Variants in NRXN1 observed in about 807,000 individuals in gnomAD.
NRXN1 encodes neurexin-1.
Under a neutral mutation model 150.9 loss-of-function variants are expected in NRXN1, and 39 were observed. That is an observed-to-expected ratio of 0.26 (90% CI 0.20 to 0.34). The LOEUF (loss-of-function observed/expected upper bound fraction) is 0.34. NRXN1 is among the 10% of genes least tolerant of loss of function. The pLI, the probability that NRXN1 is intolerant of heterozygous loss-of-function variation, is 1.00. For missense variants in NRXN1, 1,815 were observed against 1,949.9 expected, an observed-to-expected ratio of 0.93 and a Z score of 1.30; for synonymous variants, 924 against 757.0, an observed-to-expected ratio of 1.22 and a Z score of -3.62.
At chr2:50,614,298 A>G (rs1678678136) in intron 8 of NRXN1, among the ~76,000 whole-genome samples, 2 of 152,136 alleles carry the variant, frequency 1.3e-5, no homozygotes, top group African/African-American at 4.8e-5. Context: ...CTCATCTGGC[A>G]TGATTTCCAG....
intron 5 of NRXN1, among the ~76,000 whole-genome samples, chr2:50,679,719 C>A (rs547309359): frequency 1.3e-5 from 2 of 152,250 alleles, no homozygotes; most frequent in South Asian, 2.1e-4. Context: ...AGAAAATGCA[C>A]TTTACAAAGT....
intron 18 of NRXN1, among the ~76,000 whole-genome samples, chr2:50,198,052 T>C (rs1425479753): frequency 6.6e-6 from 1 of 152,158 alleles, no homozygotes; most frequent in Admixed American, 6.6e-5. Context: ...ATTGACTACC[T>C]TCCCTATGCC....
intron 19 of NRXN1, among the ~76,000 whole-genome samples, chr2:50,076,675 G>C: frequency 6.6e-6 from 1 of 152,178 alleles, no homozygotes; most frequent in Non-Finnish European, 1.5e-5. Context: ...TGTCTGGTTT[G>C]ATCATTTGAT....
intron 8 of NRXN1, among the ~76,000 whole-genome samples, chr2:50,556,027 G>C (rs1163102323): frequency 1.3e-5 from 2 of 152,224 alleles, no homozygotes; most frequent in East Asian, 3.9e-4. Context: ...TTTCCTACAA[G>C]AACTATCTTG....
chr2:50,214,717 T>G (rs865840290), intron 18 of NRXN1, among the ~76,000 whole-genome samples: 1 of 151,988 alleles, frequency 6.6e-6, no homozygotes, highest in Non-Finnish European at 1.5e-5. Flanking sequence ...TCATAACATA[T>G]CCTACATTTT....
intron 22 of NRXN1, among the ~76,000 whole-genome samples, chr2:49,935,805 C>A (rs543709963): frequency 1.3e-5 from 2 of 152,272 alleles, no homozygotes; most frequent in East Asian, 1.9e-4. Flanking sequence ...ACACAAATTA[C>A]AAGACAACGT....
intron 17 of NRXN1, among the ~76,000 whole-genome samples, chr2:50,368,559 T>C (rs554997097): frequency 1.8e-4 from 28 of 152,112 alleles, no homozygotes; most frequent in African/African-American, 5.5e-4. Flanking sequence ...ACATGAGGTA[T>C]GTTGGACATG....
At chr2:50,854,307 T>A (rs1674945487) in intron 5 of NRXN1, among the ~76,000 whole-genome samples, 1 of 152,082 alleles carries the variant, frequency 6.6e-6, no homozygotes, top group Non-Finnish European at 1.5e-5. Flanking sequence ...TAACATCTCA[T>A]ATATTAATGC....
Position 50,346,776 on chromosome 2 carries a change from G to A in NRXN1, c.3365-109806C>T, listed in dbSNP as rs749400244. On this transcript the variant is annotated intron_variant, in intron 17 of 22. Transcript: ENST00000401669. This position sits in a 1 kb window ranked among gnomAD's most constrained non-coding sequence, Gnocchi z 5.0. Reference sequence around the variant, plus strand: ...TGCTGCTGCCATGGAAATGGTGGATGTGGTGCGCTCCCAAACTGGATGCCC... The same window carrying A: ...TGCTGCTGCCATGGAAATGGTGGATATGGTGCGCTCCCAAACTGGATGCCC... The A allele has an allele frequency of 6.2e-7, 1 of 1,613,846 alleles. No individual in the cohort carries two copies.
intron 8 of NRXN1, among the ~76,000 whole-genome samples, chr2:50,611,835 G>C (rs965881765): frequency 1.3e-5 from 2 of 152,034 alleles, no homozygotes; most frequent in African/African-American, 4.8e-5. Context: ...TTCAACCCGG[G>C]GAGTGGGAAA....
At chr2:50,849,201 A>C (rs1338316619) in intron 5 of NRXN1, among the ~76,000 whole-genome samples, 1 of 152,194 alleles carries the variant, frequency 6.6e-6, no homozygotes, top group African/African-American at 2.4e-5. Context: ...AGAAGGTCTT[A>C]ACCTTCCCTT....
intron 17 of NRXN1, among the ~76,000 whole-genome samples, chr2:50,308,156 A>G (rs1035428421): frequency 1.3e-5 from 2 of 152,122 alleles, no homozygotes; most frequent in African/African-American, 4.8e-5. Context: ...TTTTCAGTGT[A>G]CAATATAATA....
At chr2:50,805,751 G>A (rs1010290572) in intron 5 of NRXN1, among the ~76,000 whole-genome samples, 1 of 152,148 alleles carries the variant, frequency 6.6e-6, no homozygotes, top group Non-Finnish European at 1.5e-5. Flanking sequence ...AAAATAAATT[G>A]TAGAAAATAT....
At chr2:51,004,757 G>A (rs1390934843) in intron 2 of NRXN1, among the ~76,000 whole-genome samples, 3 of 152,004 alleles carry the variant, frequency 2.0e-5, no homozygotes, top group African/African-American at 7.2e-5. Flanking sequence ...ATTTTTCAAG[G>A]AGGGGAATGC....
At chr2:50,501,549 G>C (rs2091947620) in intron 13 of NRXN1, among the ~76,000 whole-genome samples, 1 of 151,948 alleles carries the variant, frequency 6.6e-6, no homozygotes, top group African/African-American at 2.4e-5. Context: ...ATGATGAGCA[G>C]AATGAAGGAA....
intron 18 of NRXN1, among the ~76,000 whole-genome samples, chr2:50,194,178 G>T (rs543162075): frequency 6.6e-6 from 1 of 152,140 alleles, no homozygotes; most frequent in Non-Finnish European, 1.5e-5. Context: ...TCTGAATATG[G>T]ACTACTTTGT....
At chr2:50,237,845 T>C (rs2065611415) in intron 17 of NRXN1, among the ~76,000 whole-genome samples, 1 of 151,994 alleles carries the variant, frequency 6.6e-6, no homozygotes, top group South Asian at 2.1e-4. Context: ...ACCCCATATG[T>C]TGAGGGCAGG....
intron 5 of NRXN1, among the ~76,000 whole-genome samples, chr2:50,897,070 T>C (rs1244050510): frequency 1.3e-5 from 2 of 152,174 alleles, no homozygotes; most frequent in Non-Finnish European, 2.9e-5. Context: ...TTAGCTACTA[T>C]ATGGATTTTC....
intron 18 of NRXN1, among the ~76,000 whole-genome samples, chr2:50,167,340 G>C (rs1384225858): frequency 1.3e-5 from 2 of 152,010 alleles, no homozygotes; most frequent in African/African-American, 2.4e-5. Context: ...TCCTTCGTTG[G>C]AGGAAATCCT....
Sources: gnomAD v4.1 joint callset for allele counts (sites outside exome capture counted in the v4.1 genomes callset) on GRCh38, gnomAD v4.1.1 for gene constraint, Gnocchi (gnomAD v3.1) non-coding constraint, MANE v1.5 for transcripts, NCBI Gene and HGNC (gene_info 2026-07-23, HGNC 2026-07-21) for gene names.